COL6A2: variants seen among roughly 807,000 people sequenced by gnomAD.
The protein encoded by COL6A2 is collagen type VI alpha 2 chain.
A neutral mutation model predicts 124.9 loss-of-function variants in COL6A2; 90 were observed. The observed-to-expected ratio is 0.72, with a 90% CI of 0.61 to 0.86. COL6A2 has a LOEUF of 0.86. Among genes scored for constraint, COL6A2 ranks in the 40% least tolerant of loss-of-function variants. COL6A2 has a pLI of 0.00. For missense variants in COL6A2, 1,607 were observed against 1,502.5 expected, an observed-to-expected ratio of 1.07 and a Z score of -1.15; for synonymous variants, 793 against 618.2, an observed-to-expected ratio of 1.28 and a Z score of -4.19.
chr21:46,108,609 T>C (rs2078361056), intron 1 of COL6A2, among the ~76,000 whole-genome samples: 1 of 152,202 alleles, frequency 6.6e-6, no homozygotes, highest in Non-Finnish European at 1.5e-5. Flanking sequence ...TAGTTAGAAA[T>C]TGATGTTTCA....
chr21:46,122,592 T>A, intron 20 of COL6A2, 61 bp downstream of exon 20: 3 of 1,571,296 alleles, frequency 1.9e-6, no homozygotes, highest in Non-Finnish European at 2.6e-6. Context: ...GCCCAATTGC[T>A]GGGAACACAA....
chr21:46,130,767 A>G (rs753736424), intron 27 of COL6A2, among the ~76,000 whole-genome samples: 11 of 152,314 alleles, frequency 7.2e-5, no homozygotes, highest in Admixed American at 5.9e-4. Flanking sequence ...GCGGTACCTG[A>G]GGAGTTTCTG....
chr21:46,121,189 G>A (rs1317778610), intron 17 of COL6A2, 66 bp downstream of exon 17: 8 of 1,488,808 alleles, frequency 5.4e-6, no homozygotes, highest in Non-Finnish European at 7.5e-6. Context: ...ATCCATGTGG[G>A]GACAGCCTGG....
In COL6A2 at chr21:46,132,284, G is replaced by C; in HGVS notation, c.2792G>C (p.Ser931Thr). ...CACGCCATCAATGCCATCGTGCGCA[G>C]CCCGCGTGGCGGGGCCCGGAGGCAC... is the stretch of plus-strand genomic sequence containing the variant. ...VVHAINAIVR[S>T]PRGGARRHAE... The change falls in exon 28 of 28, where the codon AGC (serine) becomes ACC (threonine). Residue 931 changes from serine (S) to threonine (T), a missense_variant. Physicochemically the swap from Ser to Thr is moderately conservative, Grantham distance 58 (BLOSUM62 1). This residue lies in a region of COL6A2 where 1,223 missense variants were observed against 1,052.2 expected (regional missense o/e 1.16). Transcript: ENST00000300527. 1 of 1,606,644 alleles carries C rather than the reference G, an allele frequency of 6.2e-7. No homozygotes were observed.
intron 21 of COL6A2, among the ~76,000 whole-genome samples, chr21:46,123,773 T>C (rs1346212893): frequency 6.8e-6 from 1 of 146,278 alleles, no homozygotes; most frequent in Non-Finnish European, 1.5e-5. Flanking sequence ...GGGGGATGGA[T>C]GGGTGAGTGG....
At chr21:46,120,327 G>A (rs1390622972) in intron 15 of COL6A2, among the ~76,000 whole-genome samples, 188 bp from the exon 16 acceptor site, 2 of 152,290 alleles carry the variant, frequency 1.3e-5, no homozygotes, top group Non-Finnish European at 1.5e-5. Flanking sequence ...ACCGTGCTCA[G>A]AGCGGCAGCT....
Position 46,129,900 on chromosome 21 carries a change from C to T in COL6A2, c.2462-2054C>T, listed in dbSNP as rs575840297. The T allele has an allele frequency of 1.2e-4, 114 of 984,668 alleles. 1 individual carries two copies. The African/African-American group carries it at 1.6e-3, about 14-fold the overall frequency. The allele number at this position is 984,668 out of a possible 1,614,324, so 61.0% of individuals were successfully genotyped here. On this transcript the variant is annotated intron_variant, in intron 27 of 27. Transcript: ENST00000300527. Reference sequence around the variant, plus strand: ...TGGAGGCCCTTACTTAGCGGCCCAGCTGGGCTGCCGTGCGTCTGGGATGGG... The same window carrying T: ...TGGAGGCCCTTACTTAGCGGCCCAGTTGGGCTGCCGTGCGTCTGGGATGGG...
intron 23 of COL6A2, 127 bp from the exon 24 acceptor site, chr21:46,125,139 C>G: frequency 9.2e-7 from 1 of 1,084,814 alleles, no homozygotes; most frequent in Non-Finnish European, 1.4e-6. Flanking sequence ...ACAGGACCCG[C>G]CAGCCTCCCC....
At chr21:46,128,647 G>A (rs1051510992) in intron 27 of COL6A2, among the ~76,000 whole-genome samples, 6 of 152,242 alleles carry the variant, frequency 3.9e-5, no homozygotes, top group South Asian at 2.1e-4. Context: ...CGCAATCAGC[G>A]ATAAGAGCTG....
intron 18 of COL6A2, 76 bp from the exon 19 acceptor site, chr21:46,122,032 T>G: frequency 6.7e-7 from 1 of 1,490,746 alleles, no homozygotes; most frequent in South Asian, 1.2e-5. Flanking sequence ...GTGTGCACCT[T>G]GCGCCCTGTT....
chr21:46,123,422 C>T (rs1207250671), intron 21 of COL6A2, among the ~76,000 whole-genome samples: 1 of 152,026 alleles, frequency 6.6e-6, no homozygotes, highest in African/African-American at 2.4e-5. Flanking sequence ...TGCTCTGTGC[C>T]TCCAAATCCC....
At position 46,132,207 on chromosome 21, in the gene COL6A2, G is replaced by A. The variant is rs754794537; in HGVS notation, c.2715G>A (p.Leu905=). The change falls in exon 28 of 28, where the codon CTG becomes CTA. Residue 905 remains leucine, a synonymous_variant. Transcript: ENST00000300527. ...ACCTCACGGCCATCCACGAGGCGCT[G>A]GAGACCACACAATACCTGAACTCCT... is the stretch of plus-strand genomic sequence containing the variant. ...SHNLTAIHEA[L]ETTQYLNSFS... is the part of the protein sequence containing the mutation. The A allele has an allele frequency of 3.8e-6, 6 of 1,587,738 alleles. No homozygotes were observed. The highest frequency in any genetic ancestry group is 1.3e-5 in the African/African-American group (1 of 74,214).
intron 1 of COL6A2, among the ~76,000 whole-genome samples, chr21:46,108,907 C>G (rs2078364118): frequency 6.6e-6 from 1 of 152,154 alleles, no homozygotes; most frequent in Admixed American, 6.5e-5. Flanking sequence ...GGTACACAGA[C>G]AAGTGGAGGG....
intron 22 of COL6A2, 30 bp from the exon 23 acceptor site, chr21:46,124,853 CCA>C (rs763984722): frequency 2.5e-6 from 4 of 1,612,600 alleles, no homozygotes; most frequent in Non-Finnish European, 3.4e-6. Flanking sequence ...AGCCTTGGCC[CCA>C]GAGTCTCAGC....
Position 46,126,485 on chromosome 21 carries a change from C to T in COL6A2, c.2423-18C>T, listed in dbSNP as rs866625140. On this transcript the variant is annotated intron_variant, in intron 26 of 27. Transcript: ENST00000300527. ...GGGACTGACCCTGGCCTGGCCCGGCCTCTCTCCTCTCTTCCAGACCCTCAG... is the reference window on the plus strand; with the variant it reads ...GGGACTGACCCTGGCCTGGCCCGGCTTCTCTCCTCTCTTCCAGACCCTCAG... 1.4e-5 allele frequency: 23 copies of T among 1,612,974 alleles called. 1 individual carries two copies. In the Middle Eastern group the frequency reaches 9.9e-4, roughly 69 times the overall value.
chr21:46,128,730 T>G (rs1396532984), intron 27 of COL6A2, among the ~76,000 whole-genome samples: 1 of 152,234 alleles, frequency 6.6e-6, no homozygotes, highest in Non-Finnish European at 1.5e-5. Flanking sequence ...AGGCCAGGTC[T>G]GCTCAGGGGA....
intron 15 of COL6A2, 47 bp from the exon 16 acceptor site, chr21:46,120,468 C>G: frequency 6.8e-7 from 1 of 1,477,578 alleles, no homozygotes; most frequent in Non-Finnish European, 9.2e-7. Context: ...GGACCCAGGC[C>G]GGAGGCCTCA....
At chr21:46,120,409 C>A in intron 15 of COL6A2, 106 bp from the exon 16 acceptor site, 1 of 858,240 alleles carries the variant, frequency 1.2e-6, no homozygotes, top group Non-Finnish European at 1.8e-6. Flanking sequence ...CGGGGTTCTT[C>A]CTCCCAGGCC....
At position 46,132,232 on chromosome 21, in the gene COL6A2, T is replaced by C; in HGVS notation, c.2740T>C (p.Phe914Leu). Residue 914 changes from phenylalanine (F) to leucine (L), a missense_variant, in exon 28 of 28, where the codon TTC becomes CTC. This residue lies in a region of COL6A2 where 1,223 missense variants were observed against 1,052.2 expected (regional missense o/e 1.16). Coordinates refer to ENST00000300527, the MANE Select transcript of COL6A2 (RefSeq NM_001849.4). The stretch of plus-strand genomic sequence containing the variant: ...GGAGACCACACAATACCTGAACTCC[T>C]TCTCGCACGTGGGCGCAGGCGTGGT... ...ALETTQYLNS[F>L]SHVGAGVVHA... 1 of 1,599,442 alleles carries C rather than the reference T, an allele frequency of 6.3e-7. No homozygotes were observed. Among genetic ancestry groups the C allele is most frequent in the Non-Finnish European group, 8.5e-7 (1 of 1,174,504 alleles).
Sources: allele counts gnomAD v4.1 joint callset (sites outside exome capture counted in the v4.1 genomes callset), GRCh38; gene constraint gnomAD v4.1.1; regional missense constraint gnomAD v4.1.1; transcripts MANE v1.5; gene names NCBI Gene and HGNC (gene_info 2026-07-23, HGNC 2026-07-21).